The following PCDHGA9 variants were observed in gnomAD, a reference collection of about 807,000 sequenced individuals.
PCDHGA9 encodes the protein protocadherin gamma-A9.
A neutral mutation model predicts 62.5 loss-of-function variants in PCDHGA9; 37 were observed. The observed-to-expected ratio is 0.59, with a 90% confidence interval of 0.46 to 0.78. PCDHGA9 has a LOEUF of 0.78. PCDHGA9 is among the 30% of genes least tolerant of loss of function. The probability of loss-of-function intolerance (pLI) is 0.00; values close to 1 mark genes in which losing one functional copy is unlikely to be tolerated. For missense variants in PCDHGA9, 1,138 were observed against 1,166.2 expected (o/e 0.98, Z 0.35); for synonymous variants, 459 against 484.6 (o/e 0.95, Z 0.69).
chr5:141,417,965 T>C lies in PCDHGA9; in HGVS notation c.2424+12589T>C. On this transcript the variant is annotated intron_variant, in intron 1 of 3. Coordinates refer to ENST00000573521, the MANE Select transcript of PCDHGA9 (RefSeq NM_018921.3). ...CACGCTGTGTGAGCCGATCCGCTAC[T>C]CGATTCCGGAGGAGCTGGCCAAGGG... 3 of 1,613,654 alleles carry C rather than the reference T, an allele frequency of 1.9e-6. No homozygotes were observed. In the South Asian group the frequency reaches 3.3e-5, roughly 18 times the overall value.
chr5:141,410,065 G>C, intron 1 of PCDHGA9: 1 of 1,612,938 alleles, frequency 6.2e-7, no homozygotes, highest in South Asian at 1.1e-5. Context: ...GCCTGGGGCT[G>C]CGCACTGGGG....
At chr5:141,467,627 G>A (rs2099147481) in intron 1 of PCDHGA9, among the ~76,000 whole-genome samples, 1 of 152,140 alleles carries the variant, frequency 6.6e-6, no homozygotes, top group South Asian at 2.1e-4. Context: ...ATTTGAGATA[G>A]CATCTTTATC....
chr5:141,473,148 C>T (rs1381616255), intron 1 of PCDHGA9, among the ~76,000 whole-genome samples: 1 of 152,184 alleles, frequency 6.6e-6, no homozygotes, highest in Non-Finnish European at 1.5e-5. Flanking sequence ...CTCTTCAGAT[C>T]ACTAGGGCTA....
intron 1 of PCDHGA9, chr5:141,428,160 T>C (rs761366261): frequency 6.4e-7 from 1 of 1,572,286 alleles, no homozygotes; most frequent in Non-Finnish European, 8.7e-7. Context: ...AACCTGCTGG[T>C]TGCTGTGCGT....
Position 141,489,368 on chromosome 5 carries a change from C to T in PCDHGA9, c.2425-5439C>T, listed in dbSNP as rs889945954. The T allele has an allele frequency of 1.2e-5, 20 of 1,613,264 alleles. No homozygotes were observed. The highest frequency in any genetic ancestry group is 1.6e-5 in the Non-Finnish European group (19 of 1,179,484). On this transcript the variant is annotated intron_variant, in intron 1 of 3. Transcript: ENST00000573521. The surrounding 1 kb of genome is among the most constrained non-coding windows in gnomAD (Gnocchi z 4.5). The stretch of plus-strand genomic sequence containing the variant: ...GTGGTGGAGGAGTCTGAGCCGGGGA[C>T]GCTGGTGGGGAATGTTGCTCAGGAT...
At chr5:141,500,094 A>C (rs2099796337) in intron 2 of PCDHGA9, among the ~76,000 whole-genome samples, 1 of 151,860 alleles carries the variant, frequency 6.6e-6, no homozygotes, top group South Asian at 2.1e-4. Context: ...CCATTTTTGC[A>C]ATTTATTTGT....
At chr5:141,504,352 G>A (rs2099837588) in intron 2 of PCDHGA9, among the ~76,000 whole-genome samples, 3 of 152,016 alleles carry the variant, frequency 2.0e-5, no homozygotes, top group Admixed American at 1.3e-4. Flanking sequence ...TTTGTGCTAG[G>A]TGCTTCAGTA....
At chr5:141,468,560 T>G (rs571224791) in intron 1 of PCDHGA9, 1 of 152,004 alleles carries the variant, frequency 6.6e-6, no homozygotes, top group Non-Finnish European at 1.5e-5. Flanking sequence ...ATTTGTGATA[T>G]AGTAAACAAT....
chr5:141,423,067 G>A (rs757110751), intron 1 of PCDHGA9: 10 of 1,614,024 alleles, frequency 6.2e-6, no homozygotes, highest in South Asian at 5.5e-5. Context: ...TAAGGCCAGC[G>A]AGCCGGGACT....
intron 1 of PCDHGA9, chr5:141,420,931 AATC>A: frequency 2.7e-6 from 1 of 369,128 alleles, no homozygotes; most frequent in African/African-American, 2.1e-5. Context: ...AGGTGAGCGT[AATC>A]ATTTCTTCTG....
chr5:141,435,454 T>C (rs1407615505), intron 1 of PCDHGA9, among the ~76,000 whole-genome samples: 1 of 152,220 alleles, frequency 6.6e-6, no homozygotes, highest in Non-Finnish European at 1.5e-5. Flanking sequence ...ACGATATCTG[T>C]ATGTGTTTCC....
chr5:141,487,029 T>C lies in PCDHGA9; in HGVS notation c.2425-7778T>C. 1.2e-6 allele frequency: 2 copies of C among 1,614,226 alleles called. No individual in the cohort carries two copies. Among genetic ancestry groups the C allele is most frequent in the Non-Finnish European group, 1.7e-6 (2 of 1,180,040 alleles). ...CTGGAGGCCCCAGATCCCAGCCTGT[T>C]TGCAGTCTCTCGATATGCTGGGGAG... is the stretch of plus-strand genomic sequence containing the variant. On this transcript the variant is annotated intron_variant, in intron 1 of 3. Coordinates refer to ENST00000573521, the MANE Select transcript of PCDHGA9 (RefSeq NM_018921.3). The surrounding 1 kb of genome is among the most constrained non-coding windows in gnomAD (Gnocchi z 5.0).
In PCDHGA9 at chr5:141,404,661, A is replaced by G. The variant is rs930319561; in HGVS notation, c.1709A>G (p.Asp570Gly). The G allele has an allele frequency of 6.2e-7, 1 of 1,614,098 alleles. No individual in the cohort carries two copies. ...ATCCTGTACCCTGCCCTCCCCACTG[A>G]TGGTTCTACTGGTGTGGAGCTGGCA... ...PEILYPALPT[D>G]GSTGVELAPR... is the part of the protein sequence containing the mutation. Residue 570 changes from aspartate (D) to glycine (G), a missense_variant, in exon 1 of 4, where the codon GAT (aspartate) becomes GGT (glycine). Transcript: ENST00000573521.
At chr5:141,435,446 G>C (rs889481920) in intron 1 of PCDHGA9, among the ~76,000 whole-genome samples, 5 of 152,060 alleles carry the variant, frequency 3.3e-5, no homozygotes, top group African/African-American at 2.4e-5. Context: ...TCATTAATAC[G>C]ATATCTGTAT....
chr5:141,421,847 C>G, intron 1 of PCDHGA9: 1 of 1,613,752 alleles, frequency 6.2e-7, no homozygotes, highest in Non-Finnish European at 8.5e-7. Flanking sequence ...GAGAAAGAGG[C>G]TGCTCACCTG....
intron 1 of PCDHGA9, chr5:141,424,187 A>C (rs2096804354): frequency 5.3e-6 from 1 of 188,948 alleles, no homozygotes; most frequent in African/African-American, 2.4e-5. Context: ...ACATGCACAC[A>C]CACTTATACA....
chr5:141,504,907 A>G (rs2099841813), intron 2 of PCDHGA9, among the ~76,000 whole-genome samples: 1 of 152,100 alleles, frequency 6.6e-6, no homozygotes, highest in African/African-American at 2.4e-5. Context: ...TCACTATGAC[A>G]GGAAGCCAGG....
chr5:141,505,381 C>T lies in PCDHGA9; in HGVS notation c.2484-12C>T. On this transcript the variant is annotated splice_polypyrimidine_tract_variant and intron_variant, in intron 2 of 3. Transcript: ENST00000573521. Reference sequence around the variant, plus strand: ...CTGGGAGTCTGTGCTCACCATCCTACTCTCTCCCCAGCTCCCAAAATGGCG... The same window carrying T: ...CTGGGAGTCTGTGCTCACCATCCTATTCTCTCCCCAGCTCCCAAAATGGCG... 1 of 1,614,064 alleles carries T rather than the reference C, an allele frequency of 6.2e-7. No homozygotes were observed.
Position 141,490,365 on chromosome 5 carries a change from A to G in PCDHGA9, c.2425-4442A>G. The G allele has an allele frequency of 6.2e-7, 1 of 1,614,170 alleles. No individual in the cohort carries two copies. The highest frequency in any genetic ancestry group is 8.5e-7 in the Non-Finnish European group (1 of 1,180,030). On this transcript the variant is annotated intron_variant, in intron 1 of 3. Coordinates refer to ENST00000573521, the MANE Select transcript of PCDHGA9 (RefSeq NM_018921.3). The surrounding 1 kb of genome is among the most constrained non-coding windows in gnomAD (Gnocchi z 5.4). ...CAGTAGTGGGGTTGTTTAATGTGCG[A>G]GACCGGGACTCAGGTAGAAATGGTG...
Sources: gnomAD v4.1 joint callset for allele counts (sites outside exome capture counted in the v4.1 genomes callset) on GRCh38, gnomAD v4.1.1 for gene constraint, Gnocchi (gnomAD v3.1) non-coding constraint, MANE v1.5 for transcripts, NCBI Gene and HGNC (gene_info 2026-07-23, HGNC 2026-07-21) for gene names.